The following KCNIP1 variants were observed in gnomAD, a reference collection of about 807,000 sequenced individuals.
The protein encoded by KCNIP1 is A-type potassium channel modulatory protein KCNIP1.
In KCNIP1, 18 loss-of-function variants were observed where a neutral mutation model predicts 33.0. The ratio of observed to expected loss-of-function variants is 0.55; its 90% CI spans 0.38 to 0.81. The LOEUF is 0.81. Ranked by LOEUF, KCNIP1 falls within the 30% of genes least tolerant of loss-of-function variation. The probability of loss-of-function intolerance (pLI) is 0.00; values close to 1 mark genes in which losing one functional copy is unlikely to be tolerated. For missense variants in KCNIP1, 238 were observed against 271.6 expected, an observed-to-expected ratio of 0.88 and a Z score of 0.87; for synonymous variants, 93 against 98.3, an observed-to-expected ratio of 0.95 and a Z score of 0.32.
chr5:170,384,147 C>T (rs1764372077), intron 1 of KCNIP1, among the ~76,000 whole-genome samples: 1 of 152,222 alleles, frequency 6.6e-6, no homozygotes, highest in African/African-American at 2.4e-5. Flanking sequence ...AGCTACACCC[C>T]AGAGCAAGTG....
chr5:170,354,134 T>A (rs1763283480), intron 1 of KCNIP1, among the ~76,000 whole-genome samples: 3 of 152,046 alleles, frequency 2.0e-5, no homozygotes, highest in African/African-American at 7.2e-5. Flanking sequence ...TGGCTTTGAG[T>A]AGGCGGGCAC....
intron 1 of KCNIP1, among the ~76,000 whole-genome samples, chr5:170,367,980 T>C (rs1243265908): frequency 6.6e-6 from 1 of 152,226 alleles, no homozygotes; most frequent in Non-Finnish European, 1.5e-5. Context: ...TAAGTGTCAA[T>C]GGAAAAAATT....
intron 1 of KCNIP1, among the ~76,000 whole-genome samples, chr5:170,517,539 G>T (rs973226768): frequency 2.0e-5 from 3 of 151,736 alleles, no homozygotes; most frequent in Non-Finnish European, 2.9e-5. Flanking sequence ...GATTATTATA[G>T]TATAGGTGAT....
intron 1 of KCNIP1, among the ~76,000 whole-genome samples, chr5:170,397,938 G>T (rs1481771290): frequency 6.6e-6 from 1 of 152,170 alleles, no homozygotes; most frequent in Non-Finnish European, 1.5e-5. Context: ...ATTGGCAATT[G>T]GTTGAAAGAG....
intron 1 of KCNIP1, among the ~76,000 whole-genome samples, chr5:170,430,493 T>C (rs553266912): frequency 6.6e-6 from 1 of 152,324 alleles, no homozygotes; most frequent in South Asian, 2.1e-4. Context: ...GTCCTCTCCC[T>C]GACAATGATT....
At chr5:170,523,217 G>A (rs1166603877) in intron 1 of KCNIP1, among the ~76,000 whole-genome samples, 1 of 152,186 alleles carries the variant, frequency 6.6e-6, no homozygotes, top group Non-Finnish European at 1.5e-5. Context: ...AGGTGCCCAA[G>A]GTAGAGTTCA....
intron 1 of KCNIP1, among the ~76,000 whole-genome samples, chr5:170,516,949 AGTG>A (rs1755148551): frequency 6.6e-6 from 1 of 152,132 alleles, no homozygotes; most frequent in African/African-American, 2.4e-5. Flanking sequence ...TGATTTTGAT[AGTG>A]GTGGTGATGA....
At chr5:170,534,423 G>T (rs754150911) in intron 1 of KCNIP1, among the ~76,000 whole-genome samples, 1 of 151,918 alleles carries the variant, frequency 6.6e-6, no homozygotes, top group South Asian at 2.1e-4. Flanking sequence ...TCCAACGTGG[G>T]CAACAGAGTG....
At chr5:170,459,413 C>G (rs1366586987) in intron 1 of KCNIP1, among the ~76,000 whole-genome samples, 5 of 152,132 alleles carry the variant, frequency 3.3e-5, no homozygotes, top group Admixed American at 3.3e-4. Context: ...GCATATGGAA[C>G]TTTCTCCAAG....
intron 1 of KCNIP1, among the ~76,000 whole-genome samples, chr5:170,471,762 T>G (rs1349996709): frequency 6.6e-6 from 1 of 152,146 alleles, no homozygotes; most frequent in East Asian, 1.9e-4. Context: ...CCCTACTTCC[T>G]CCTTTAGATC....
At chr5:170,404,164 G>T (rs1402020862) in intron 1 of KCNIP1, among the ~76,000 whole-genome samples, 2 of 152,186 alleles carry the variant, frequency 1.3e-5, no homozygotes, top group East Asian at 3.8e-4. Flanking sequence ...GGAAAATTAA[G>T]CTTCAGGTTT....
At chr5:170,455,310 C>T (rs1467461386) in intron 1 of KCNIP1, among the ~76,000 whole-genome samples, 2 of 151,988 alleles carry the variant, frequency 1.3e-5, no homozygotes, top group Non-Finnish European at 2.9e-5. Context: ...TCCCCTTCCC[C>T]TTCTTCTTCT....
At chr5:170,379,747 G>C (rs1377570261) in intron 1 of KCNIP1, among the ~76,000 whole-genome samples, 1 of 152,104 alleles carries the variant, frequency 6.6e-6, no homozygotes, top group Non-Finnish European at 1.5e-5. Context: ...CCAGGAGTTC[G>C]AGACTAGCCT....
intron 1 of KCNIP1, among the ~76,000 whole-genome samples, chr5:170,601,782 T>C (rs1428935998): frequency 6.6e-6 from 1 of 152,186 alleles, no homozygotes; most frequent in Non-Finnish European, 1.5e-5. Context: ...TGCTTTGCAC[T>C]GTAACGGAGG....
rs553090463 is a variant in KCNIP1 at position 170,435,751 on chromosome 5, C to T, written c.88+81787C>T. Among the ~76,000 whole-genome samples the T allele has an allele frequency of 2.6e-5, 4 of 152,324 alleles. No individual in the cohort carries two copies. In the East Asian group the frequency reaches 7.7e-4, roughly 29 times the overall value. ...GAGGGACCACGTGCACGGAGCCCAG[C>T]AAGGTGCTCAGGAAACAATGCTATT... is the stretch of plus-strand genomic sequence containing the variant. On this transcript the variant is annotated intron_variant, in intron 1 of 7. Transcript: ENST00000377360.
intron 1 of KCNIP1, among the ~76,000 whole-genome samples, chr5:170,418,782 C>T (rs1017119564): frequency 6.6e-6 from 1 of 152,214 alleles, no homozygotes; most frequent in African/African-American, 2.4e-5. Context: ...TCTGCTGGAT[C>T]ACCATCCCTC....
At chr5:170,353,656 G>A in exon 1 of KCNIP1, 2 of 593,894 alleles carry the variant, frequency 3.4e-6, no homozygotes, top group South Asian at 4.0e-5. Context: ...GACAGCAGGA[G>A]TGGGTGGAGA....
chr5:170,684,048 C>T (rs548386813), intron 1 of KCNIP1, among the ~76,000 whole-genome samples: 2 of 152,140 alleles, frequency 1.3e-5, no homozygotes, highest in East Asian at 1.9e-4. Context: ...TGAGCCACAG[C>T]GCCTGGCCAA....
intron 1 of KCNIP1, among the ~76,000 whole-genome samples, chr5:170,524,506 A>G (rs1187353898): frequency 6.6e-6 from 1 of 152,186 alleles, no homozygotes; most frequent in Non-Finnish European, 1.5e-5. Flanking sequence ...TCTATAATGT[A>G]GAAATAATAG....
Sources: gnomAD v4.1 joint callset for allele counts (sites outside exome capture counted in the v4.1 genomes callset) on GRCh38, gnomAD v4.1.1 for gene constraint, MANE v1.5 for transcripts, NCBI Gene and HGNC (gene_info 2026-07-23, HGNC 2026-07-21) for gene names.